Variants in DACH2 observed in about 807,000 individuals in gnomAD.
DACH2 encodes the protein dachshund family transcription factor 2.
A neutral mutation model predicts 35.8 loss-of-function variants in DACH2; 17 were observed. That is an observed-to-expected ratio of 0.48 (90% confidence interval 0.33 to 0.71). The LOEUF is 0.71. DACH2 is among the 30% of genes least tolerant of loss of function. The pLI is 0.02. For missense variants in DACH2, 469 were observed against 472.7 expected (o/e 0.99, Z 0.07); for synonymous variants, 195 against 177.3 (o/e 1.10, Z -0.79).
chrX:86,756,510 G>T (rs2041831297), intron 7 of DACH2, among the ~76,000 whole-genome samples: 1 of 106,362 alleles, frequency 9.4e-6, no homozygotes, highest in Admixed American at 1.0e-4. Flanking sequence ...TATTGCAAAT[G>T]GGATTGCCTT....
chrX:86,400,295 C>A lies in DACH2; in HGVS notation c.527+23433C>A, dbSNP rs1467657427. Among the ~76,000 whole-genome samples, 6 of 109,720 alleles carry A rather than the reference C, an allele frequency of 5.5e-5. No individual in the cohort carries two copies. The East Asian group carries it at 1.7e-3, about 32-fold the overall frequency. ...TTATCCATTCGTCTAGTTTTTTTTT[C>A]AAAGTTTTTAACTTTTTTGCGATTG... On this transcript the variant is annotated intron_variant, in intron 2 of 11. Transcript: ENST00000373125.
At chrX:86,618,960 A>G (rs2040038888) in intron 3 of DACH2, among the ~76,000 whole-genome samples, 1 of 111,916 alleles carries the variant, frequency 8.9e-6, no homozygotes, top group Non-Finnish European at 1.9e-5. Context: ...TTTAAACACC[A>G]TAGTCTTGCT....
chrX:86,606,718 T>C (rs1340425475), intron 3 of DACH2, among the ~76,000 whole-genome samples: 7 of 111,636 alleles, frequency 6.3e-5, no homozygotes, highest in African/African-American at 1.3e-4. Context: ...CTATTTGTTC[T>C]ATAGTGCAGA....
chrX:86,801,955 C>G (rs1293855358), intron 7 of DACH2, among the ~76,000 whole-genome samples: 1 of 111,953 alleles, frequency 8.9e-6, no homozygotes, highest in Non-Finnish European at 1.9e-5. Flanking sequence ...TTCACAACCT[C>G]TATATCTAGA....
chrX:86,152,424 G>A (rs1453673868), intron 1 of DACH2, among the ~76,000 whole-genome samples: 1 of 111,514 alleles, frequency 9.0e-6, no homozygotes, highest in Non-Finnish European at 1.9e-5. Flanking sequence ...GAAGAAAAAT[G>A]AATGAGTAAA....
chrX:86,464,358 T>A (rs1204831376), intron 2 of DACH2, among the ~76,000 whole-genome samples: 1 of 111,173 alleles, frequency 9.0e-6, no homozygotes, highest in Middle Eastern at 4.3e-3. Flanking sequence ...AATGAGTTCA[T>A]GTCCTTTGCA....
chrX:86,217,227 A>G (rs2032598093), intron 1 of DACH2, among the ~76,000 whole-genome samples: 1 of 111,926 alleles, frequency 8.9e-6, no homozygotes, highest in East Asian at 2.8e-4. Context: ...AGGAACAGAA[A>G]GTACAGAAAA....
chrX:86,779,378 A>C (rs1212169193), intron 7 of DACH2, among the ~76,000 whole-genome samples: 2 of 111,681 alleles, frequency 1.8e-5, no homozygotes, highest in Non-Finnish European at 3.8e-5. Context: ...AAAGGGAATG[A>C]AAGGGAATGT....
intron 2 of DACH2, among the ~76,000 whole-genome samples, chrX:86,393,701 A>G (rs2036236574): frequency 9.0e-6 from 1 of 111,376 alleles, no homozygotes; most frequent in South Asian, 3.7e-4. Context: ...GATAATGGGA[A>G]TCTATTTTTA....
chrX:86,338,771 A>T (rs2148058096), intron 1 of DACH2, among the ~76,000 whole-genome samples: 1 of 111,779 alleles, frequency 8.9e-6, no homozygotes, highest in Admixed American at 9.5e-5. Flanking sequence ...AAATCAATGA[A>T]TCCAGGAGCT....
At chrX:86,312,343 C>T (rs746335508) in intron 1 of DACH2, among the ~76,000 whole-genome samples, 11 of 111,400 alleles carry the variant, frequency 9.9e-5, no homozygotes, top group Middle Eastern at 4.7e-3. Context: ...TTTAGTTGTA[C>T]GAAGGATAGC....
intron 1 of DACH2, among the ~76,000 whole-genome samples, chrX:86,367,745 C>T (rs910355307): frequency 1.8e-5 from 2 of 111,496 alleles, no homozygotes; most frequent in Admixed American, 9.5e-5. Context: ...TTCTGTTAAC[C>T]CTGTTACGTT....
At chrX:86,255,223 C>T (rs1023946043) in intron 1 of DACH2, among the ~76,000 whole-genome samples, 4 of 111,156 alleles carry the variant, frequency 3.6e-5, no homozygotes, top group African/African-American at 6.5e-5. Flanking sequence ...GTAAATCTCC[C>T]GGGAGAACAG....
At chrX:86,662,376 G>A (rs5968963) in intron 4 of DACH2, among the ~76,000 whole-genome samples, 36,508 of 110,669 alleles carry the variant, frequency 0.33, 4,543 homozygotes, top group Admixed American at 0.5. Flanking sequence ...GGCAGATCAC[G>A]AGATCAGGAG....
At chrX:86,599,770 A>G (rs980320900) in intron 3 of DACH2, among the ~76,000 whole-genome samples, 3 of 110,679 alleles carry the variant, frequency 2.7e-5, no homozygotes, top group Non-Finnish European at 5.7e-5. Flanking sequence ...TGCTGGGATT[A>G]GAGACATGAG....
At chrX:86,412,689 C>T (rs772710285) in intron 2 of DACH2, among the ~76,000 whole-genome samples, 1 of 111,521 alleles carries the variant, frequency 9.0e-6, no homozygotes, top group Non-Finnish European at 1.9e-5. Context: ...ATGGCAGGGC[C>T]TTACTTCAAA....
At position 86,427,549 on chromosome X, in the gene DACH2, T is replaced by A. The variant is rs376825746; in HGVS notation, c.527+50687T>A. ...AATCTCGGAAGTATTTCCGCTGGTT[T>A]AGAGACTATGGCTCCTTATTACTTG... On this transcript the variant is annotated intron_variant, in intron 2 of 11. Coordinates refer to ENST00000373125, the MANE Select transcript of DACH2 (RefSeq NM_053281.3). Among the ~76,000 whole-genome samples, 30 of 111,425 alleles carry A rather than the reference T, an allele frequency of 2.7e-4. No homozygotes were observed. The East Asian group carries it at 3.1e-3, about 12-fold the overall frequency.
At chrX:86,777,090 T>G in intron 7 of DACH2, among the ~76,000 whole-genome samples, 1 of 111,665 alleles carries the variant, frequency 9.0e-6, no homozygotes, top group Non-Finnish European at 1.9e-5. Flanking sequence ...TATAATCCTT[T>G]GGGTATATAC....
rs189858774 is a variant in DACH2, at chrX:86,411,164, T to A, written c.527+34302T>A. On this transcript the variant is annotated intron_variant, in intron 2 of 11. Coordinates refer to ENST00000373125, the MANE Select transcript of DACH2 (RefSeq NM_053281.3). The stretch of plus-strand genomic sequence containing the variant: ...AGTCCCAAAACTGAAGGACTTGGAG[T>A]CCGATGTTCGAGGGCAGGAAGGATG... 6.1e-3 allele frequency among the ~76,000 whole-genome samples: 635 copies of A among 103,630 alleles called. 20 individuals are homozygous for A. In the East Asian group the frequency reaches 0.13, roughly 20 times the overall value. 90.0% of individuals were successfully genotyped at this position (103,630 alleles called of 115,157 possible).
Sources: gnomAD v4.1 joint callset for allele counts (sites outside exome capture counted in the v4.1 genomes callset) on GRCh38, gnomAD v4.1.1 for gene constraint, MANE v1.5 for transcripts, NCBI Gene and HGNC (gene_info 2026-07-23, HGNC 2026-07-21) for gene names.